The following ZFPM2 variants were observed in gnomAD, a reference collection of about 807,000 sequenced individuals.
ZFPM2 encodes the protein zinc finger protein ZFPM2.
Under a neutral mutation model 98.6 loss-of-function variants are expected in ZFPM2, and 20 were observed. The ratio of observed to expected loss-of-function variants is 0.20; its 90% confidence interval spans 0.14 to 0.29. ZFPM2 has a LOEUF of 0.29. Among genes scored for constraint, ZFPM2 ranks in the 10% least tolerant of loss-of-function variants. The pLI is 1.00. For missense variants in ZFPM2, 1,310 were observed against 1,388.6 expected (o/e 0.94, Z 0.90); for synonymous variants, 518 against 502.7 (o/e 1.03, Z -0.41).
At chr8:105,515,189 T>TTGAA (rs1469955096) in intron 3 of ZFPM2, among the ~76,000 whole-genome samples, 1 of 152,210 alleles carries the variant, frequency 6.6e-6, no homozygotes, top group Non-Finnish European at 1.5e-5. Context: ...TAATTAACCA[T>TTGAA]GTATTAATTT....
At chr8:105,652,712 A>T (rs545745224) in intron 5 of ZFPM2, among the ~76,000 whole-genome samples, 6 of 152,270 alleles carry the variant, frequency 3.9e-5, no homozygotes, top group African/African-American at 1.4e-4. Flanking sequence ...CATTATAAAA[A>T]TTTAAGATTT....
At chr8:105,370,880 C>G (rs1361314222) in intron 1 of ZFPM2, among the ~76,000 whole-genome samples, 1 of 152,166 alleles carries the variant, frequency 6.6e-6, no homozygotes, top group African/African-American at 2.4e-5. Flanking sequence ...ACTCCAAAGC[C>G]AAAGCTCTTC....
At chr8:105,760,192 A>G (rs1027626628) in intron 5 of ZFPM2, among the ~76,000 whole-genome samples, 1 of 151,982 alleles carries the variant, frequency 6.6e-6, no homozygotes, top group Non-Finnish European at 1.5e-5. Context: ...CCCTGGACCA[A>G]AAAGAGCTTT....
At chr8:105,493,783 T>C (rs544378970) in intron 3 of ZFPM2, among the ~76,000 whole-genome samples, 31 of 152,310 alleles carry the variant, frequency 2.0e-4, no homozygotes, top group African/African-American at 6.7e-4. Context: ...CCACAGTCTT[T>C]TGTCTCTCTT....
chr8:105,355,934 T>C (rs1177211546), intron 1 of ZFPM2, among the ~76,000 whole-genome samples: 1 of 152,246 alleles, frequency 6.6e-6, no homozygotes, highest in Non-Finnish European at 1.5e-5. Flanking sequence ...TGTATGCTTC[T>C]TGTACTGAAA....
At chr8:105,730,788 T>C (rs1417464677) in intron 5 of ZFPM2, among the ~76,000 whole-genome samples, 4 of 150,348 alleles carry the variant, frequency 2.7e-5, no homozygotes, top group Admixed American at 6.6e-5. Flanking sequence ...TTTTTTTTTT[T>C]TTTTTTTTTA....
At chr8:105,514,283 G>A (rs1398542176) in intron 3 of ZFPM2, among the ~76,000 whole-genome samples, 3 of 148,886 alleles carry the variant, frequency 2.0e-5, no homozygotes, top group Admixed American at 6.7e-5. Context: ...GATTACAGGC[G>A]TGAGCCACCG....
At chr8:105,351,234 T>A (rs1172767544) in intron 1 of ZFPM2, among the ~76,000 whole-genome samples, 1 of 151,902 alleles carries the variant, frequency 6.6e-6, no homozygotes, top group Admixed American at 6.6e-5. Flanking sequence ...TATGCAATCC[T>A]CCTGTATACT....
At chr8:105,545,664 A>G (rs1367879877) in intron 3 of ZFPM2, among the ~76,000 whole-genome samples, 1 of 152,182 alleles carries the variant, frequency 6.6e-6, no homozygotes, top group Non-Finnish European at 1.5e-5. Flanking sequence ...GTGAGACCAC[A>G]TAGATAAAGA....
chr8:105,783,749 A>G (rs1813331015), intron 5 of ZFPM2, among the ~76,000 whole-genome samples: 1 of 152,122 alleles, frequency 6.6e-6, no homozygotes, highest in Non-Finnish European at 1.5e-5. Flanking sequence ...ATTCAGTTGT[A>G]TGTGTAGATC....
intron 4 of ZFPM2, among the ~76,000 whole-genome samples, chr8:105,577,795 A>G (rs1242781567): frequency 6.6e-6 from 1 of 151,498 alleles, no homozygotes; most frequent in Non-Finnish European, 1.5e-5. Context: ...AAAAAGTGAG[A>G]AATGAAAAAA....
intron 4 of ZFPM2, among the ~76,000 whole-genome samples, chr8:105,564,564 C>T (rs1327511569): frequency 2.0e-5 from 3 of 151,926 alleles, no homozygotes; most frequent in Non-Finnish European, 4.4e-5. Context: ...CTCATTTAGT[C>T]CTCCAAAAAA....
chr8:105,376,828 T>C (rs1384224496), intron 1 of ZFPM2, among the ~76,000 whole-genome samples: 1 of 152,194 alleles, frequency 6.6e-6, no homozygotes, highest in African/African-American at 2.4e-5. Flanking sequence ...TCACTCTTAC[T>C]CCTTAGAATC....
At chr8:105,756,330 G>A (rs1025152065) in intron 5 of ZFPM2, among the ~76,000 whole-genome samples, 4 of 152,198 alleles carry the variant, frequency 2.6e-5, no homozygotes, top group African/African-American at 7.2e-5. Context: ...TGTACCAGGC[G>A]AAATGTAGGT....
intron 3 of ZFPM2, among the ~76,000 whole-genome samples, chr8:105,533,136 A>G (rs575737300): frequency 1.0e-3 from 159 of 152,316 alleles, no homozygotes; most frequent in African/African-American, 3.8e-3. Context: ...AGATCCTTAC[A>G]TGAAAATACA....
chr8:105,612,653 G>A (rs187200259), intron 4 of ZFPM2, among the ~76,000 whole-genome samples: 95 of 152,234 alleles, frequency 6.2e-4, no homozygotes, highest in African/African-American at 2.2e-3. Flanking sequence ...TATTTGGTTG[G>A]AGTATGAAAG....
rs755113729 is a variant in ZFPM2, at chr8:105,418,559, A to G, written c.41-585A>G. The G allele has an allele frequency of 1.2e-5, 6 of 515,464 alleles. No individual in the cohort carries two copies. In the Admixed American group the frequency reaches 1.2e-4, roughly 10 times the overall value. 31.9% of individuals were successfully genotyped at this position (515,464 alleles called of 1,614,324 possible). ...AAAACCACTTTTCATTTCAGAAAAA[A>G]TTCAATTAATTATGAATAGGGTTAT... On this transcript the variant is annotated intron_variant, in intron 1 of 7. Coordinates refer to ENST00000407775, the MANE Select transcript of ZFPM2 (RefSeq NM_012082.4).
chr8:105,726,987 T>C (rs1004014310), intron 5 of ZFPM2, among the ~76,000 whole-genome samples: 9 of 151,636 alleles, frequency 5.9e-5, no homozygotes, highest in Non-Finnish European at 1.0e-4. Context: ...ACAAAGTGTA[T>C]AGTGATAGAT....
At chr8:105,393,393 C>CTTTCTTTCTTT (rs1586340332) in intron 1 of ZFPM2, among the ~76,000 whole-genome samples, 1 of 30,032 alleles carries the variant, frequency 3.3e-5, no homozygotes, top group Admixed American at 4.7e-4. Context: ...TTTCTTTCTT[C>CTTTCTTTCTTT]TTCAGAATTT....
Sources: gnomAD v4.1 joint callset for allele counts (sites outside exome capture counted in the v4.1 genomes callset) on GRCh38, gnomAD v4.1.1 for gene constraint, MANE v1.5 for transcripts, NCBI Gene and HGNC (gene_info 2026-07-23, HGNC 2026-07-21) for gene names.